Variants in TUB observed in about 807,000 individuals in gnomAD.
The protein encoded by TUB is tubby protein homolog.
In TUB, 33 loss-of-function variants were observed where a neutral mutation model predicts 59.7. That is an observed-to-expected ratio of 0.55 (90% confidence interval 0.42 to 0.74). TUB has a LOEUF of 0.74. Among genes scored for constraint, TUB ranks in the 30% least tolerant of loss-of-function variants. TUB has a pLI of 0.00. For missense variants in TUB, 659 were observed against 672.0 expected, an observed-to-expected ratio of 0.98 and a Z score of 0.21; for synonymous variants, 293 against 256.4, an observed-to-expected ratio of 1.14 and a Z score of -1.36.
At chr11:8,099,659 A>G (rs143375275) in intron 9 of TUB, among the ~76,000 whole-genome samples, 3 of 152,368 alleles carry the variant, frequency 2.0e-5, no homozygotes, top group Non-Finnish European at 4.4e-5. Flanking sequence ...AAACAGATCT[A>G]TCAGTGAAGT....
intron 2 of TUB, among the ~76,000 whole-genome samples, chr11:8,071,697 G>A (rs185149772): frequency 8.1e-4 from 123 of 152,354 alleles, no homozygotes; most frequent in Middle Eastern, 3.4e-3. Context: ...TAGGCAGGCT[G>A]AGATGCAGAT....
chr11:8,074,721 T>A (rs1206104552), intron 2 of TUB, among the ~76,000 whole-genome samples: 1 of 147,800 alleles, frequency 6.8e-6, no homozygotes, highest in Non-Finnish European at 1.5e-5. Context: ...GCCTGGGTGA[T>A]AGAGTGAGAC....
Position 8,090,172 on chromosome 11 carries a change from A to G in TUB, c.194A>G (p.Glu65Gly). 6.2e-7 allele frequency: 1 copy of G among 1,613,746 alleles called. No homozygotes were observed. Among genetic ancestry groups the G allele is most frequent in the South Asian group, 1.1e-5 (1 of 91,082 alleles). The change falls in exon 3 of 12, where the codon GAG becomes GGG. Residue 65 changes from glutamate (E) to glycine (G), a missense_variant. Coordinates refer to ENST00000299506, the MANE Select transcript of TUB (RefSeq NM_177972.3). ...CGGAGCCGGCGGGCCCGGCAGTCAG[A>G]GGAACAAGCCCCCCTGGTGGAGTCC... ...RPRSRRARQSEEQAPLVESYL... is the reference protein window; with the variant it reads ...RPRSRRARQSGEQAPLVESYL...
intron 1 of TUB, chr11:8,039,121 C>T (rs903104670): frequency 1.4e-6 from 2 of 1,453,090 alleles, no homozygotes; most frequent in Non-Finnish European, 1.8e-6. Context: ...CTTTACAGTC[C>T]CAAGGCCTCC....
chr11:8,095,740 A>G (rs1457086696), intron 5 of TUB, 75 bp downstream of exon 5: 23 of 1,473,096 alleles, frequency 1.6e-5, no homozygotes, highest in Non-Finnish European at 2.0e-5. Context: ...CTCTGGGAGC[A>G]TGGCCTTCCT....
Position 8,105,751 on chromosome 11 carries a change from TAAGA to T in TUB, c.*4137_*4140del, listed in dbSNP as rs780391469. The T allele has an allele frequency of 9.2e-5, 14 of 152,304 alleles. No individual in the cohort carries two copies. Among genetic ancestry groups the T allele is most frequent in the South Asian group, 6.2e-4 (3 of 4,814 alleles). 9.4% of individuals were successfully genotyped at this position (152,304 alleles called of 1,614,324 possible). The stretch of plus-strand genomic sequence containing the variant: ...CATCACTGTGCCTTTTTTTCTTTCC[TAAGA>T]AAGACATCACATCCCTCTCCTCTCC... On this transcript the variant is annotated 3_prime_UTR_variant, in exon 12 of 12. Coordinates refer to ENST00000299506, the MANE Select transcript of TUB (RefSeq NM_177972.3).
intron 9 of TUB, among the ~76,000 whole-genome samples, chr11:8,099,519 G>C (rs775594738): frequency 1.3e-5 from 2 of 152,192 alleles, no homozygotes; most frequent in African/African-American, 4.8e-5. Flanking sequence ...TGGGGAGGCA[G>C]CCTGAGTCTT....
At chr11:8,082,431 C>T (rs1049892465) in intron 1 of TUB, among the ~76,000 whole-genome samples, 3 of 152,212 alleles carry the variant, frequency 2.0e-5, no homozygotes, top group African/African-American at 7.2e-5. Context: ...CCACTCTACT[C>T]CATTCTATTA....
At chr11:8,080,344 G>C (rs1474589011), upstream of TUB, among the ~76,000 whole-genome samples, 1 of 152,194 alleles carries the variant, frequency 6.6e-6, no homozygotes, top group Admixed American at 6.5e-5. Context: ...GCTTCCGCCC[G>C]CCCTGCTGTG....
chr11:8,094,224 G>A, intron 4 of TUB, 35 bp downstream of exon 4: 3 of 1,577,210 alleles, frequency 1.9e-6, no homozygotes, highest in Non-Finnish European at 2.6e-6. Flanking sequence ...TCCCCAGCAG[G>A]CCTGGCCTCC....
intron 1 of TUB, among the ~76,000 whole-genome samples, chr11:8,033,359 C>G (rs561775541): frequency 2.5e-4 from 38 of 152,340 alleles, no homozygotes; most frequent in African/African-American, 8.7e-4. Context: ...ATGGCACTCT[C>G]TAGGTGTCCG....
In TUB at chr11:8,100,577, G is replaced by C. The variant is rs1370693176; in HGVS notation, c.1191G>C (p.Glu397Asp). The change falls in exon 10 of 12, where the codon GAG (glutamate) becomes GAC (aspartate). Residue 397 changes from glutamate to aspartate, a missense_variant. Physicochemically the swap from Glu to Asp is conservative, Grantham distance 45. Coordinates refer to ENST00000299506, the MANE Select transcript of TUB (RefSeq NM_177972.3). ...VIVPGMNMVH[E>D]RVSIRPRNEH... ...TCCCAGGCATGAACATGGTTCATGA[G>C]AGAGTCTCTATCCGCCCCCGCAACG... The C allele has an allele frequency of 1.9e-6, 3 of 1,613,974 alleles. No individual in the cohort carries two copies. The highest frequency in any genetic ancestry group is 2.5e-6 in the Non-Finnish European group (3 of 1,179,998).
chr11:8,052,128 T>G (rs1289518618), intron 2 of TUB, among the ~76,000 whole-genome samples: 1 of 152,218 alleles, frequency 6.6e-6, no homozygotes, highest in African/African-American at 2.4e-5. Context: ...GGCAAATGCC[T>G]CCTCATTCTT....
intron 1 of TUB, among the ~76,000 whole-genome samples, chr11:8,087,698 C>T (rs1943694559): frequency 6.6e-6 from 1 of 152,232 alleles, no homozygotes; most frequent in Non-Finnish European, 1.5e-5. Context: ...TCGGGTCTGA[C>T]CCTTTCAAGT....
chr11:8,060,987 C>T (rs773644420), intron 2 of TUB, among the ~76,000 whole-genome samples: 3 of 152,174 alleles, frequency 2.0e-5, no homozygotes, highest in Non-Finnish European at 2.9e-5. Flanking sequence ...CAGTGGATGC[C>T]GCTCAGTTTG....
exon 1 of TUB, chr11:8,038,693 C>A: frequency 6.9e-7 from 1 of 1,443,726 alleles, no homozygotes; most frequent in Non-Finnish European, 9.1e-7. Flanking sequence ...AAGATGTTTC[C>A]ATGTCCTAAT....
chr11:8,035,163 A>G (rs980943710), upstream of TUB, among the ~76,000 whole-genome samples: 1 of 152,234 alleles, frequency 6.6e-6, no homozygotes, highest in African/African-American at 2.4e-5. Context: ...TGATATTTCA[A>G]TATAGTATTT....
Position 8,106,221 on chromosome 11 carries a change from ATTAAAC to A in TUB, c.*4605_*4610del, listed in dbSNP as rs1178403995. On this transcript the variant is annotated 3_prime_UTR_variant, in exon 12 of 12. Transcript: ENST00000299506. ...TCTAAGTACACACATATATCAACAAATTAAACTTGAATCGTTTCAACACTTCTGTGT... is the reference window on the plus strand; with the variant it reads ...TCTAAGTACACACATATATCAACAAATTGAATCGTTTCAACACTTCTGTGT... 2.0e-5 allele frequency: 3 copies of A among 152,244 alleles called. No homozygotes were observed. In the East Asian group the frequency reaches 5.8e-4, roughly 29 times the overall value. The allele number at this position is 152,244 out of a possible 1,614,324, so 9.4% of individuals were successfully genotyped here. A position where few individuals can be genotyped will look rare whatever the true frequency, so the allele number is the denominator to read the frequency against.
chr11:8,027,974 TG>T (rs1302924510), intron 1 of TUB, among the ~76,000 whole-genome samples: 2 of 152,232 alleles, frequency 1.3e-5, no homozygotes, highest in Non-Finnish European at 2.9e-5. Flanking sequence ...AATTGCTGTT[TG>T]GTAATGATAA....
Sources: gnomAD v4.1 joint callset for allele counts (sites outside exome capture counted in the v4.1 genomes callset) on GRCh38, gnomAD v4.1.1 for gene constraint, MANE v1.5 for transcripts, NCBI Gene and HGNC (gene_info 2026-07-23, HGNC 2026-07-21) for gene names.